Variants in TRIM33 observed in about 807,000 individuals in gnomAD.
The protein encoded by TRIM33 is tripartite motif containing 33.
In TRIM33, 20 loss-of-function variants were observed where a neutral mutation model predicts 125.4. The observed-to-expected ratio is 0.16, with a 90% CI of 0.11 to 0.23. The LOEUF (loss-of-function observed/expected upper bound fraction) is 0.23. TRIM33 is among the 10% of genes least tolerant of loss of function. The pLI is 1.00. For synonymous variants in TRIM33, 564 were observed against 513.9 expected, an observed-to-expected ratio of 1.10 and a Z score of -1.32; for missense variants, 920 against 1,411.4, an observed-to-expected ratio of 0.65 and a Z score of 5.58.
chr1:114,420,396 G>T, intron 11 of TRIM33: 9 of 1,334,644 alleles, frequency 6.7e-6, no homozygotes, highest in Non-Finnish European at 8.9e-6. Flanking sequence ...TTGGTCCTGG[G>T]TCTTCTCTCT....
chr1:114,457,308 A>T (rs1360686586), intron 4 of TRIM33, among the ~76,000 whole-genome samples: 1 of 152,176 alleles, frequency 6.6e-6, no homozygotes, highest in Non-Finnish European at 1.5e-5. Context: ...ACTACAGCTT[A>T]TGGGCAAAAC....
At position 114,405,454 on chromosome 1, in the gene TRIM33, G is replaced by A. The variant is rs1381974959; in HGVS notation, c.2724C>T (p.Val908=). The A allele has an allele frequency of 2.5e-6, 4 of 1,614,074 alleles. No homozygotes were observed. The highest frequency in any genetic ancestry group is 3.4e-6 in the Non-Finnish European group (4 of 1,179,988). Reference sequence around the variant, plus strand: ...TTGGAACATGACAAGTTAGATGAAAGACCTTTGGACATTTTTCGCAGCACA... The same window carrying A: ...TTGGAACATGACAAGTTAGATGAAAAACCTTTGGACATTTTTCGCAGCACA... ...DLLCCEKCPK[V]FHLTCHVPTL... is the part of the protein sequence containing the mutation. Residue 908 remains valine, a synonymous_variant, in exon 15 of 20, where the codon GTC becomes GTT. Transcript: ENST00000358465.
chr1:114,452,956 G>A (rs115682446), intron 4 of TRIM33, among the ~76,000 whole-genome samples: 3,929 of 151,992 alleles, frequency 0.026, 88 homozygotes, highest in Non-Finnish European at 0.034. Flanking sequence ...CTCAATAAGC[G>A]TATAAGAAAT....
chr1:114,510,163 C>T (rs932141893), intron 1 of TRIM33, among the ~76,000 whole-genome samples: 3 of 152,156 alleles, frequency 2.0e-5, no homozygotes, highest in Non-Finnish European at 4.4e-5. Flanking sequence ...TTACCTCTTA[C>T]CTACTCCCTC....
At chr1:114,417,277 T>C (rs976892686) in intron 11 of TRIM33, among the ~76,000 whole-genome samples, 2 of 152,220 alleles carry the variant, frequency 1.3e-5, no homozygotes, top group African/African-American at 4.8e-5. Flanking sequence ...GTGGTAATGG[T>C]TGTACAATCT....
At chr1:114,463,627 G>T (rs1650121597) in intron 2 of TRIM33, 71 bp from the exon 3 acceptor site, 7 of 887,830 alleles carry the variant, frequency 7.9e-6, no homozygotes, top group Non-Finnish European at 3.5e-6. Flanking sequence ...AAAAAAACTT[G>T]TTCTTCAATA....
intron 6 of TRIM33, among the ~76,000 whole-genome samples, chr1:114,430,468 C>T (rs1463434684): frequency 6.6e-6 from 1 of 152,054 alleles, no homozygotes; most frequent in Non-Finnish European, 1.5e-5. Context: ...GGCTGGATCC[C>T]GGGGCTCAAG....
rs1647423743 is a variant in TRIM33, at chr1:114,424,510, T to C, written c.1860+81A>G. On this transcript the variant is annotated intron_variant, in intron 10 of 19. Transcript: ENST00000358465. ...CAAATTCTCAAACACATCAATGACCTGCTCCCAAAAAGTGATTAAGAAAAT... is the reference window on the plus strand; with the variant it reads ...CAAATTCTCAAACACATCAATGACCCGCTCCCAAAAAGTGATTAAGAAAAT... The C allele has an allele frequency of 3.8e-6, 5 of 1,311,528 alleles. No individual in the cohort carries two copies. The South Asian group carries it at 8.4e-5, about 22-fold the overall frequency. The allele number at this position is 1,311,528 out of a possible 1,614,324, so 81.2% of individuals were successfully genotyped here.
chr1:114,445,979 TC>T (rs1191653983), intron 4 of TRIM33, among the ~76,000 whole-genome samples: 4 of 152,130 alleles, frequency 2.6e-5, no homozygotes, highest in African/African-American at 9.7e-5. Context: ...TGCCTCAGCC[TC>T]CCAGGTAGCT....
In TRIM33 at chr1:114,510,836, G is replaced by A. The variant is rs1392168250; in HGVS notation, c.241C>T (p.Pro81Ser). Residue 81 changes from proline (P) to serine (S), a missense_variant, in exon 1 of 20, where the codon CCT (proline) becomes TCT (serine). Physicochemically the swap from Pro to Ser is moderately conservative, Grantham distance 74. This residue lies in a region of TRIM33 where 233 missense variants were observed against 189.6 expected (regional missense o/e 1.23). Coordinates refer to ENST00000358465, the MANE Select transcript of TRIM33 (RefSeq NM_015906.4). ...ACTCCAGTGCCCACTGAGGCCGCAG[G>A]AGATGAAGCAGCCTGGGCCGAGCCC... is the stretch of plus-strand genomic sequence containing the variant. ...SSGSAQAASSPAASVGTGVAG... is the reference protein window; with the variant it reads ...SSGSAQAASSSAASVGTGVAG... 1.6e-5 allele frequency: 24 copies of A among 1,517,826 alleles called. No homozygotes were observed. The highest frequency in any genetic ancestry group is 2.1e-5 in the Non-Finnish European group (24 of 1,140,066). 94.0% of individuals were successfully genotyped at this position (1,517,826 alleles called of 1,614,324 possible). A position where few individuals can be genotyped will look rare whatever the true frequency, so the allele number is the denominator to read the frequency against.
intron 5 of TRIM33, 55 bp downstream of exon 5, chr1:114,433,562 G>T: frequency 9.4e-7 from 1 of 1,058,690 alleles, no homozygotes; most frequent in South Asian, 1.5e-5. Flanking sequence ...ATTTAAACTG[G>T]ACCCACTTCT....
At chr1:114,426,857 T>C (rs1647622436) in intron 8 of TRIM33, among the ~76,000 whole-genome samples, 1 of 152,160 alleles carries the variant, frequency 6.6e-6, no homozygotes, top group South Asian at 2.1e-4. Flanking sequence ...ATCTATGAAA[T>C]TATTCCAGAC....
chr1:114,489,138 C>G (rs756514424), intron 1 of TRIM33, among the ~76,000 whole-genome samples: 17 of 152,310 alleles, frequency 1.1e-4, no homozygotes, highest in Non-Finnish European at 2.2e-4. Context: ...CTCACATTTA[C>G]CCAGTCAACT....
At chr1:114,503,802 A>G (rs902616104) in intron 1 of TRIM33, among the ~76,000 whole-genome samples, 1 of 152,212 alleles carries the variant, frequency 6.6e-6, no homozygotes, top group African/African-American at 2.4e-5. Context: ...CAATTCATTC[A>G]CTTCTGAGAA....
In TRIM33 at chr1:114,509,176, T is replaced by G. The variant is rs545459234; in HGVS notation, c.526+1375A>C. On this transcript the variant is annotated intron_variant, in intron 1 of 19. Transcript: ENST00000358465. Reference sequence around the variant, plus strand: ...ATCTGATCCTTTTATCCTCTTGATATGAAAGCCCTCCAGGAACATCCTTCA... The same window carrying G: ...ATCTGATCCTTTTATCCTCTTGATAGGAAAGCCCTCCAGGAACATCCTTCA... Among the ~76,000 whole-genome samples, 16 of 152,306 alleles carry G rather than the reference T, an allele frequency of 1.1e-4. No homozygotes were observed. The South Asian group carries it at 2.1e-3, about 20-fold the overall frequency.
At chr1:114,457,381 T>C (rs889764597) in intron 4 of TRIM33, among the ~76,000 whole-genome samples, 4 of 152,134 alleles carry the variant, frequency 2.6e-5, no homozygotes, top group East Asian at 3.9e-4. Context: ...CCAGATGCCA[T>C]AGTACAATGT....
At chr1:114,470,886 G>A (rs1650598450) in intron 1 of TRIM33, among the ~76,000 whole-genome samples, 1 of 152,132 alleles carries the variant, frequency 6.6e-6, no homozygotes, top group African/African-American at 2.4e-5. Context: ...CTGAAGCTTC[G>A]ACTTCCTGGG....
At position 114,511,070 on chromosome 1, in the gene TRIM33, C is replaced by T; in HGVS notation, c.7G>A (p.Glu3Lys). MAENKGGGEAESG... is the reference protein window; with the variant it reads MAKNKGGGEAESG... ...TCAGCCTCGCCGCCGCCTTTGTTTT[C>T]CGCCATGTTTTCCTCTTTGAACCCG... is the stretch of plus-strand genomic sequence containing the variant. The change falls in exon 1 of 20, where the codon GAA (glutamate) becomes AAA (lysine). Residue 3 changes from glutamate to lysine, a missense_variant. By Grantham distance (56) the Glu-to-Lys change is moderately conservative. This residue lies in a region of TRIM33 where 233 missense variants were observed against 189.6 expected (regional missense o/e 1.23). Transcript: ENST00000358465. 1 of 1,285,582 alleles carries T rather than the reference C, an allele frequency of 7.8e-7. No homozygotes were observed. The highest frequency in any genetic ancestry group is 9.9e-7 in the Non-Finnish European group (1 of 1,013,550). The allele number at this position is 1,285,582 out of a possible 1,614,324, so 79.6% of individuals were successfully genotyped here. A position where few individuals can be genotyped will look rare whatever the true frequency, so the allele number is the denominator to read the frequency against.
chr1:114,495,653 T>C (rs1652326003), intron 1 of TRIM33, among the ~76,000 whole-genome samples: 1 of 152,262 alleles, frequency 6.6e-6, no homozygotes, highest in South Asian at 2.1e-4. Flanking sequence ...ATAATCTACT[T>C]TGAAAGCATT....
Sources: gnomAD v4.1 joint callset for allele counts (sites outside exome capture counted in the v4.1 genomes callset) on GRCh38, gnomAD v4.1.1 for gene constraint, gnomAD v4.1.1 regional missense constraint, MANE v1.5 for transcripts, NCBI Gene and HGNC (gene_info 2026-07-23, HGNC 2026-07-21) for gene names.